The following DLGAP4 variants were observed in gnomAD, a reference collection of about 807,000 sequenced individuals.
DLGAP4 encodes the protein disks large-associated protein 4.
A neutral mutation model predicts 86.9 loss-of-function variants in DLGAP4; 18 were observed. The observed-to-expected ratio is 0.21, with a 90% confidence interval of 0.14 to 0.31. DLGAP4 has a LOEUF of 0.31. Ranked by LOEUF, DLGAP4 falls within the 10% of genes least tolerant of loss-of-function variation. The pLI, the probability that DLGAP4 is intolerant of heterozygous loss-of-function variation, is 1.00. For missense variants in DLGAP4, 1,085 were observed against 1,362.6 expected (o/e 0.80, Z 3.21); for synonymous variants, 548 against 574.3 (o/e 0.95, Z 0.65).
chr20:36,524,774 C>T lies in DLGAP4; in HGVS notation c.2604+433C>T, dbSNP rs9753574. On this transcript the variant is annotated intron_variant, in intron 11 of 12. Coordinates refer to ENST00000339266, the MANE Select transcript of DLGAP4 (RefSeq NM_001365621.2). The stretch of plus-strand genomic sequence containing the variant: ...AAAATTAGCTGGGCGTGGTGGTGCA[C>T]ACCTGTAATCCCAGCTACTCGGGAG... Among the ~76,000 whole-genome samples the T allele has an allele frequency of 4.6e-3, 703 of 152,016 alleles. 5 individuals are homozygous for T. The highest frequency in any genetic ancestry group is 0.015 in the African/African-American group (621 of 41,484).
chr20:36,364,006 A>G (rs2030604994), intron 1 of DLGAP4, among the ~76,000 whole-genome samples: 1 of 152,228 alleles, frequency 6.6e-6, no homozygotes, highest in Non-Finnish European at 1.5e-5. Flanking sequence ...GGAGGAGAAT[A>G]TGACATACAA....
chr20:36,372,113 T>G (rs1428078583), intron 2 of DLGAP4, among the ~76,000 whole-genome samples: 1 of 152,214 alleles, frequency 6.6e-6, no homozygotes, highest in Non-Finnish European at 1.5e-5. Context: ...TTTCCTCTTC[T>G]GCAAAACAGA....
At chr20:36,385,058 G>A (rs1569480988) in intron 2 of DLGAP4, among the ~76,000 whole-genome samples, 1 of 152,188 alleles carries the variant, frequency 6.6e-6, no homozygotes, top group Non-Finnish European at 1.5e-5. Flanking sequence ...GAAGGGGTGT[G>A]ACCTGCTGGG....
intron 2 of DLGAP4, among the ~76,000 whole-genome samples, chr20:36,385,449 C>T (rs2031561952): frequency 6.6e-6 from 1 of 152,070 alleles, no homozygotes. Context: ...AAGACTGCCC[C>T]CTACACACAC....
Position 36,431,198 on chromosome 20 carries a change from G to A in DLGAP4, c.-72-448G>A, listed in dbSNP as rs967376109. Among the ~76,000 whole-genome samples the A allele has an allele frequency of 7.2e-5, 11 of 152,158 alleles. No individual in the cohort carries two copies. The highest frequency in any genetic ancestry group is 5.8e-4 in the East Asian group (3 of 5,160). ...GCCACAGGGACCATCCTGGGGTTCC[G>A]GGATGACTGTTTGGGGGCCTGTGGA... On this transcript the variant is annotated intron_variant, in intron 2 of 12. Transcript: ENST00000339266. The surrounding 1 kb of genome is among the most constrained non-coding windows in gnomAD (Gnocchi z 5.1).
chr20:36,311,898 C>T (rs1002842550), intron 1 of DLGAP4, among the ~76,000 whole-genome samples: 1 of 152,170 alleles, frequency 6.6e-6, no homozygotes, highest in Non-Finnish European at 1.5e-5. Flanking sequence ...CTGAAGTTCC[C>T]GTTTGTTCCA....
chr20:36,472,976 G>C (rs1373670326), intron 7 of DLGAP4: 3 of 152,400 alleles, frequency 2.0e-5, no homozygotes, highest in Admixed American at 1.3e-4. Context: ...ACTGCTGTCT[G>C]GGAGACAGCC....
chr20:36,315,969 G>A (rs1257014494), intron 1 of DLGAP4, among the ~76,000 whole-genome samples: 3 of 152,212 alleles, frequency 2.0e-5, no homozygotes, highest in Admixed American at 2.0e-4. Flanking sequence ...CCAGCCCTGT[G>A]GCTTTCAGGA....
intron 12 of DLGAP4, 106 bp from the exon 13 acceptor site, chr20:36,526,707 G>A (rs2037791250): frequency 3.8e-6 from 4 of 1,041,706 alleles, no homozygotes; most frequent in Non-Finnish European, 2.8e-6. Context: ...CCGATGCGGG[G>A]AGGCTGGGGT....
chr20:36,483,029 G>A (rs1283141106), intron 7 of DLGAP4, among the ~76,000 whole-genome samples: 4 of 152,176 alleles, frequency 2.6e-5, no homozygotes, highest in Non-Finnish European at 1.5e-5. Context: ...TAGCTTGGGC[G>A]CTACCATCTC....
intron 7 of DLGAP4, among the ~76,000 whole-genome samples, chr20:36,457,042 T>C (rs2033896382): frequency 6.6e-6 from 1 of 152,198 alleles, no homozygotes; most frequent in African/African-American, 2.4e-5. Flanking sequence ...TTCATGGAGA[T>C]TGTATTCTAC....
Position 36,415,521 on chromosome 20 carries a change from G to A in DLGAP4, c.-72-16125G>A, listed in dbSNP as rs559910552. 3.2e-3 allele frequency among the ~76,000 whole-genome samples: 485 copies of A among 152,300 alleles called. 1 individual carries two copies. Among genetic ancestry groups the A allele is most frequent in the Non-Finnish European group, 4.5e-3 (303 of 68,028 alleles). On this transcript the variant is annotated intron_variant, in intron 2 of 12. Coordinates refer to ENST00000339266, the MANE Select transcript of DLGAP4 (RefSeq NM_001365621.2). ...TAGGTGGGACTCATTGTTAGGGATA[G>A]TAACAGCAATACTTGCGTATTTGCT... is the stretch of plus-strand genomic sequence containing the variant.
chr20:36,491,520 G>A (rs2035661614), intron 7 of DLGAP4, among the ~76,000 whole-genome samples: 1 of 152,156 alleles, frequency 6.6e-6, no homozygotes, highest in Admixed American at 6.5e-5. Flanking sequence ...AGGAAGCATG[G>A]AGAACAGGGG....
At chr20:36,366,485 G>C (rs2030692573) in intron 1 of DLGAP4, among the ~76,000 whole-genome samples, 1 of 152,236 alleles carries the variant, frequency 6.6e-6, no homozygotes, top group Admixed American at 6.5e-5. Context: ...TGGTGATGCA[G>C]TGAAGGGCCT....
intron 2 of DLGAP4, among the ~76,000 whole-genome samples, chr20:36,388,294 C>G (rs182137964): frequency 1.2e-3 from 181 of 152,266 alleles, no homozygotes; most frequent in African/African-American, 4.2e-3. Context: ...GATGGGACTC[C>G]CATCAGGCAA....
intron 1 of DLGAP4, among the ~76,000 whole-genome samples, chr20:36,310,470 G>C: frequency 6.6e-6 from 1 of 152,182 alleles, no homozygotes; most frequent in Non-Finnish European, 1.5e-5. Context: ...CCCTCTCTGG[G>C]CTCCCTTGAT....
At chr20:36,436,472 C>CA (rs959280520) in intron 4 of DLGAP4, 122 bp downstream of exon 4, 1 of 1,397,126 alleles carries the variant, frequency 7.2e-7, no homozygotes, top group African/African-American at 1.5e-5. Flanking sequence ...GCCACGCCCC[C>CA]TTTGAGCCAC....
intron 2 of DLGAP4, among the ~76,000 whole-genome samples, chr20:36,429,159 A>C (rs1397707530): frequency 6.6e-6 from 1 of 150,378 alleles, no homozygotes; most frequent in East Asian, 2.0e-4. Flanking sequence ...GGCTCACTGC[A>C]ACCTCCACCT....
intron 2 of DLGAP4, among the ~76,000 whole-genome samples, chr20:36,380,667 C>T (rs986213922): frequency 7.1e-5 from 10 of 140,696 alleles, no homozygotes; most frequent in Non-Finnish European, 1.3e-4. Context: ...GAGAGAGAAT[C>T]TCAGAGGCAG....
Sources: gnomAD v4.1 joint callset for allele counts (sites outside exome capture counted in the v4.1 genomes callset) on GRCh38, gnomAD v4.1.1 for gene constraint, Gnocchi (gnomAD v3.1) non-coding constraint, MANE v1.5 for transcripts, NCBI Gene and HGNC (gene_info 2026-07-23, HGNC 2026-07-21) for gene names.